Variants in NHS observed in about 807,000 individuals in gnomAD.
NHS encodes the protein NHS actin remodeling regulator.
Under a neutral mutation model 72.5 loss-of-function variants are expected in NHS, and 5 were observed. That is an observed-to-expected ratio of 0.07 (90% CI 0.04 to 0.14). The LOEUF is 0.14. Among genes scored for constraint, NHS ranks in the 10% least tolerant of loss-of-function variants. The probability of loss-of-function intolerance (pLI) is 1.00; values close to 1 mark genes in which losing one functional copy is unlikely to be tolerated. For synonymous variants in NHS, 464 were observed against 547.7 expected, an observed-to-expected ratio of 0.85 and a Z score of 2.13; for missense variants, 1,072 against 1,355.7, an observed-to-expected ratio of 0.79 and a Z score of 3.29.
At chrX:17,629,985 G>T (rs1481714094) in intron 1 of NHS, among the ~76,000 whole-genome samples, 1 of 108,690 alleles carries the variant, frequency 9.2e-6, no homozygotes, top group Non-Finnish European at 1.9e-5. Flanking sequence ...CCTGCATCTT[G>T]ATCTGTCAAG....
intron 1 of NHS, among the ~76,000 whole-genome samples, chrX:17,676,799 AAAGC>A (rs1355244065): frequency 4.6e-4 from 52 of 112,683 alleles, no homozygotes; most frequent in African/African-American, 1.5e-3. Flanking sequence ...AGGTTGCTGA[AAAGC>A]AAGCACTTTA....
At chrX:17,546,577 C>T (rs1028520075) in intron 1 of NHS, among the ~76,000 whole-genome samples, 2 of 112,009 alleles carry the variant, frequency 1.8e-5, no homozygotes, top group African/African-American at 6.5e-5. Flanking sequence ...TAACTGAATG[C>T]CAGGCATGTG....
At chrX:17,670,493 C>T (rs745385654) in intron 1 of NHS, among the ~76,000 whole-genome samples, 10 of 112,633 alleles carry the variant, frequency 8.9e-5, no homozygotes, top group African/African-American at 2.3e-4. Context: ...GGACTGAATC[C>T]GCACATTTAA....
In NHS at chrX:17,691,743, A is replaced by G. The variant is rs144124252; in HGVS notation, c.719-592A>G. 6.0e-3 allele frequency among the ~76,000 whole-genome samples: 679 copies of G among 112,335 alleles called. 5 individuals are homozygous for G. The highest frequency in any genetic ancestry group is 9.7e-3 in the Non-Finnish European group (517 of 53,269). ...CACAGCCCATTCGAAATACAGAGAA[A>G]TGTAATACATTCTAATTTTAAAAGA... is the stretch of plus-strand genomic sequence containing the variant. On this transcript the variant is annotated intron_variant, in intron 2 of 8. Coordinates refer to ENST00000676302, the MANE Select transcript of NHS (RefSeq NM_001291867.2).
chrX:17,548,572 CCACACA>C (rs775363787), intron 1 of NHS, among the ~76,000 whole-genome samples: 2 of 111,030 alleles, frequency 1.8e-5, no homozygotes, highest in Non-Finnish European at 3.8e-5. Flanking sequence ...TGCACATGCA[CCACACA>C]CACACACGCA....
intron 1 of NHS, among the ~76,000 whole-genome samples, chrX:17,595,809 C>A (rs1170606746): frequency 8.9e-6 from 1 of 112,263 alleles, no homozygotes; most frequent in African/African-American, 3.2e-5. Context: ...CTTTAATGGG[C>A]AATTACTCAA....
At chrX:17,698,959 G>A (rs778037651) in intron 3 of NHS, among the ~76,000 whole-genome samples, 1 of 111,320 alleles carries the variant, frequency 9.0e-6, no homozygotes, top group Non-Finnish European at 1.9e-5. Context: ...TATATCTAAT[G>A]TTAGAGAAAA....
At chrX:17,561,574 G>GCACACACACACACACACACA (rs530971006) in intron 1 of NHS, among the ~76,000 whole-genome samples, 3 of 65,387 alleles carry the variant, frequency 4.6e-5, no homozygotes, top group Non-Finnish European at 7.7e-5. Context: ...GCGCGCGCGC[G>GCACACACACACACACACACA]CACACACACA....
intron 1 of NHS, among the ~76,000 whole-genome samples, chrX:17,390,069 T>G (rs1378618014): frequency 8.9e-6 from 1 of 112,252 alleles, no homozygotes; most frequent in Non-Finnish European, 1.9e-5. Flanking sequence ...AGGACAAAAT[T>G]GCTTAGAATT....
At chrX:17,529,838 T>G (rs151173873) in intron 1 of NHS, among the ~76,000 whole-genome samples, 12 of 111,368 alleles carry the variant, frequency 1.1e-4, no homozygotes, top group African/African-American at 3.9e-4. Flanking sequence ...GATTTCGTGT[T>G]TAGGGTATGA....
intron 3 of NHS, among the ~76,000 whole-genome samples, chrX:17,702,804 C>A (rs757235575): frequency 1.2e-4 from 14 of 112,136 alleles, no homozygotes; most frequent in Non-Finnish European, 2.6e-4. Context: ...TCAGATAATT[C>A]TTCCCTTTTA....
At chrX:17,407,569 G>T (rs1020952352) in intron 1 of NHS, among the ~76,000 whole-genome samples, 12 of 111,301 alleles carry the variant, frequency 1.1e-4, no homozygotes, top group African/African-American at 1.6e-4. Context: ...GATTTTTTTT[G>T]GGGGAAGATT....
chrX:17,538,437 G>T (rs757408765), intron 1 of NHS, among the ~76,000 whole-genome samples: 2 of 111,659 alleles, frequency 1.8e-5, no homozygotes. Flanking sequence ...TCCCAGCGTG[G>T]GCAATTGGGG....
intron 1 of NHS, among the ~76,000 whole-genome samples, chrX:17,666,773 G>T (rs189594212): frequency 7.4e-4 from 83 of 112,455 alleles, no homozygotes; most frequent in Non-Finnish European, 3.8e-5. Context: ...CACAATAAAA[G>T]TTCTCTTCCT....
At chrX:17,628,316 A>T (rs1387802176) in intron 1 of NHS, among the ~76,000 whole-genome samples, 2 of 111,773 alleles carry the variant, frequency 1.8e-5, no homozygotes, top group African/African-American at 6.5e-5. Context: ...TTTTTTTTTA[A>T]TCCCAGTTTG....
intron 1 of NHS, among the ~76,000 whole-genome samples, chrX:17,674,347 G>A (rs1980094856): frequency 1.8e-5 from 2 of 112,425 alleles, no homozygotes; most frequent in South Asian, 7.4e-4. Context: ...GGGGGAAATA[G>A]GGTGTCATTT....
chrX:17,473,647 C>T (rs756409381), intron 1 of NHS, among the ~76,000 whole-genome samples: 2 of 111,744 alleles, frequency 1.8e-5, no homozygotes, highest in Non-Finnish European at 1.9e-5. Context: ...GAAAATTTAC[C>T]ATCCAAATTG....
At chrX:17,519,579 G>A (rs1275471536) in intron 1 of NHS, among the ~76,000 whole-genome samples, 1 of 111,547 alleles carries the variant, frequency 9.0e-6, no homozygotes, top group Non-Finnish European at 1.9e-5. Flanking sequence ...ACTTGCACAC[G>A]CACACCATCC....
At chrX:17,430,315 C>CCTTT (rs1555988134) in intron 1 of NHS, among the ~76,000 whole-genome samples, 7 of 58,878 alleles carry the variant, frequency 1.2e-4, no homozygotes, top group African/African-American at 4.8e-4. Context: ...TTCTTTCTTT[C>CCTTT]CTTTCTTTCT....
Sources: gnomAD v4.1 joint callset for allele counts (sites outside exome capture counted in the v4.1 genomes callset) on GRCh38, gnomAD v4.1.1 for gene constraint, MANE v1.5 for transcripts, NCBI Gene and HGNC (gene_info 2026-07-23, HGNC 2026-07-21) for gene names.